Variants in RALGAPA2 observed in about 807,000 individuals in gnomAD.
RALGAPA2 encodes ral GTPase-activating protein subunit alpha-2.
A neutral mutation model predicts 230.4 loss-of-function variants in RALGAPA2; 139 were observed. That is an observed-to-expected ratio of 0.60 (90% CI 0.53 to 0.69). The LOEUF is 0.69. Ranked by LOEUF, RALGAPA2 falls within the 30% of genes least tolerant of loss-of-function variation. The pLI is 0.00. For synonymous variants in RALGAPA2, 847 were observed against 837.8 expected (o/e 1.01, Z -0.19); for missense variants, 2,163 against 2,276.0 (o/e 0.95, Z 1.01).
In RALGAPA2 at chr20:20,531,622, A is replaced by G. The variant is rs2063368950; in HGVS notation, c.3582+65T>C. ...GGATAAAAAAGATGGGGCTAATTCA[A>G]ACTCAAACTGTTAAATGCCTCAGAT... On this transcript the variant is annotated intron_variant, in intron 27 of 39. Coordinates refer to ENST00000202677, the MANE Select transcript of RALGAPA2 (RefSeq NM_020343.4). The G allele has an allele frequency of 1.1e-5, 14 of 1,307,890 alleles. No individual in the cohort carries two copies. The South Asian group carries it at 1.5e-4, about 14-fold the overall frequency. The allele number at this position is 1,307,890 out of a possible 1,614,324, so 81.0% of individuals were successfully genotyped here.
chr20:20,521,193 CT>C, intron 30 of RALGAPA2, 93 bp from the exon 31 acceptor site: 1 of 1,092,964 alleles, frequency 9.1e-7, no homozygotes, highest in Non-Finnish European at 1.3e-6. Context: ...GCAGCTAGGA[CT>C]CCTGCTTGGT....
At chr20:20,424,059 C>G (rs920968345) in intron 37 of RALGAPA2, among the ~76,000 whole-genome samples, 1 of 152,168 alleles carries the variant, frequency 6.6e-6, no homozygotes, top group Non-Finnish European at 1.5e-5. Flanking sequence ...TATGTCCTTC[C>G]GGCATAGGGA....
At chr20:20,406,789 G>A (rs560521550) in intron 38 of RALGAPA2, among the ~76,000 whole-genome samples, 30 of 152,320 alleles carry the variant, frequency 2.0e-4, no homozygotes, top group Admixed American at 3.9e-4. Context: ...GCTTATGCCT[G>A]TAGTTCCAGC....
At chr20:20,664,450 G>C (rs1322121494) in intron 3 of RALGAPA2, among the ~76,000 whole-genome samples, 1 of 152,002 alleles carries the variant, frequency 6.6e-6, no homozygotes, top group Non-Finnish European at 1.5e-5. Flanking sequence ...CCCCAAATTA[G>C]TAGCATATAA....
At chr20:20,431,570 T>C (rs1166198481) in intron 37 of RALGAPA2, among the ~76,000 whole-genome samples, 1 of 152,184 alleles carries the variant, frequency 6.6e-6, no homozygotes, top group Non-Finnish European at 1.5e-5. Flanking sequence ...ATTTGCAAAC[T>C]GGCAATAAAT....
intron 36 of RALGAPA2, among the ~76,000 whole-genome samples, chr20:20,486,577 G>C (rs929932878): frequency 1.3e-5 from 2 of 152,056 alleles, no homozygotes; most frequent in Non-Finnish European, 2.9e-5. Flanking sequence ...TCTAGGTATA[G>C]ACATTTTGAT....
At chr20:20,681,849 C>A (rs1358662729) in intron 1 of RALGAPA2, among the ~76,000 whole-genome samples, 1 of 151,978 alleles carries the variant, frequency 6.6e-6, no homozygotes, top group Non-Finnish European at 1.5e-5. Context: ...AGAGTGAAAC[C>A]CCTGTCTCTT....
At chr20:20,594,787 G>GGC in intron 16 of RALGAPA2, among the ~76,000 whole-genome samples, 1 of 142,016 alleles carries the variant, frequency 7.0e-6, no homozygotes, top group Non-Finnish European at 1.5e-5. Context: ...GGAGCACAAT[G>GGC]GCGTGATCTT....
chr20:20,508,439 A>C (rs1264799580), intron 33 of RALGAPA2, among the ~76,000 whole-genome samples: 2 of 152,352 alleles, frequency 1.3e-5, no homozygotes, highest in African/African-American at 4.8e-5. Context: ...TTGTGCTGTC[A>C]CATGAAAAAG....
Position 20,591,205 on chromosome 20 carries a change from G to A in RALGAPA2, c.2313C>T (p.Pro771=), listed in dbSNP as rs775317643. 1.3e-5 allele frequency: 21 copies of A among 1,613,752 alleles called. No individual in the cohort carries two copies. The highest frequency in any genetic ancestry group is 6.7e-5 in the African/African-American group (5 of 75,018). ...GAGAAGAATCTGAGCACAGCGGCTC[G>A]GGGATGTCGGAGGTGCTGCTGCTCC... ...VLRSSSTSDI[P]EPLCSDSSQG... is the part of the protein sequence containing the mutation. Residue 771 remains proline (P), a synonymous_variant, in exon 17 of 40, where the codon CCC becomes CCT. Transcript: ENST00000202677.
At chr20:20,489,567 GAAAA>G (rs200699269) in intron 36 of RALGAPA2, among the ~76,000 whole-genome samples, 1 of 132,538 alleles carries the variant, frequency 7.5e-6, no homozygotes, top group Admixed American at 7.6e-5. Context: ...AAGTATTCAT[GAAAA>G]AAAAAAAAAG....
intron 35 of RALGAPA2, among the ~76,000 whole-genome samples, chr20:20,498,921 CT>C (rs2062292542): frequency 1.3e-5 from 2 of 152,180 alleles, no homozygotes; most frequent in Non-Finnish European, 2.9e-5. Flanking sequence ...GTTAGATTAG[CT>C]GTGAAAAATC....
At chr20:20,533,621 G>A (rs2063424222) in intron 26 of RALGAPA2, among the ~76,000 whole-genome samples, 1 of 152,064 alleles carries the variant, frequency 6.6e-6, no homozygotes, top group Non-Finnish European at 1.5e-5. Flanking sequence ...AATATTTGAA[G>A]CCCAGTAGTA....
At chr20:20,436,960 A>G (rs1388195106) in intron 37 of RALGAPA2, among the ~76,000 whole-genome samples, 1 of 152,156 alleles carries the variant, frequency 6.6e-6, no homozygotes, top group African/African-American at 2.4e-5. Flanking sequence ...GGGGAGACCA[A>G]GCTCCGGGGC....
chr20:20,525,103 C>CT (rs2063160440), intron 28 of RALGAPA2, among the ~76,000 whole-genome samples: 1 of 152,184 alleles, frequency 6.6e-6, no homozygotes, highest in Non-Finnish European at 1.5e-5. Flanking sequence ...TTCCACTCTA[C>CT]TTTTCTGGTT....
intron 4 of RALGAPA2, among the ~76,000 whole-genome samples, chr20:20,646,843 G>GT (rs1290709517): frequency 6.6e-6 from 1 of 151,652 alleles, no homozygotes; most frequent in Non-Finnish European, 1.5e-5. Context: ...AACCATATAG[G>GT]AACCAGAGGG....
rs566290489 is a variant in RALGAPA2 at position 20,409,497 on chromosome 20, T to C, written c.5617+2530A>G. Among the ~76,000 whole-genome samples the C allele has an allele frequency of 6.0e-4, 91 of 152,278 alleles. No individual in the cohort carries two copies. The Middle Eastern group carries it at 0.01, about 17-fold the overall frequency. On this transcript the variant is annotated intron_variant, in intron 38 of 39. Coordinates refer to ENST00000202677, the MANE Select transcript of RALGAPA2 (RefSeq NM_020343.4). ...ACACTGAGGGCCAGAGATGGTCTGA[T>C]TGGGTCCTAAGTGCACTGTGGGAGC...
intron 38 of RALGAPA2, among the ~76,000 whole-genome samples, chr20:20,407,498 C>A (rs763574600): frequency 6.6e-6 from 1 of 152,208 alleles, no homozygotes; most frequent in Non-Finnish European, 1.5e-5. Flanking sequence ...GGCGCGGAGG[C>A]CTTAGCAAGC....
intron 4 of RALGAPA2, among the ~76,000 whole-genome samples, chr20:20,651,136 C>T (rs2067381925): frequency 1.3e-5 from 2 of 152,180 alleles, no homozygotes; most frequent in Admixed American, 6.5e-5. Context: ...TTAAGATTGT[C>T]TTGATGTTCT....
Sources: allele counts gnomAD v4.1 joint callset (sites outside exome capture counted in the v4.1 genomes callset), GRCh38; gene constraint gnomAD v4.1.1; transcripts MANE v1.5; gene names NCBI Gene and HGNC (gene_info 2026-07-23, HGNC 2026-07-21).